DEPDC5: variants seen among roughly 807,000 people sequenced by gnomAD.
DEPDC5 encodes GATOR1 complex protein DEPDC5.
A neutral mutation model predicts 217.3 loss-of-function variants in DEPDC5; 73 were observed. That is an observed-to-expected ratio of 0.34 (90% confidence interval 0.28 to 0.41). The LOEUF is 0.41. Ranked by LOEUF, DEPDC5 falls within the 10% of genes least tolerant of loss-of-function variation. The pLI, the probability that DEPDC5 is intolerant of heterozygous loss-of-function variation, is 1.00. For synonymous variants in DEPDC5, 733 were observed against 756.7 expected (o/e 0.97, Z 0.51); for missense variants, 1,675 against 2,070.1 (o/e 0.81, Z 3.70).
chr22:31,820,446 CT>C (rs2089579343), intron 22 of DEPDC5, among the ~76,000 whole-genome samples: 1 of 152,106 alleles, frequency 6.6e-6, no homozygotes, highest in Non-Finnish European at 1.5e-5. Flanking sequence ...GGAAACCATC[CT>C]GCTGAATACC....
At chr22:31,892,363 G>A (rs185929677) in intron 38 of DEPDC5, among the ~76,000 whole-genome samples, 10 of 152,254 alleles carry the variant, frequency 6.6e-5, no homozygotes, top group Non-Finnish European at 1.5e-4. Flanking sequence ...AGCAGTTTTC[G>A]GTTCATAGCA....
intron 38 of DEPDC5, among the ~76,000 whole-genome samples, chr22:31,888,126 C>T (rs2093356842): frequency 6.6e-6 from 1 of 152,058 alleles, no homozygotes; most frequent in Non-Finnish European, 1.5e-5. Context: ...ATTGCAGTCA[C>T]CCTGGGCTGC....
intron 14 of DEPDC5, among the ~76,000 whole-genome samples, chr22:31,799,009 T>C (rs955813891): frequency 6.6e-6 from 1 of 151,686 alleles, no homozygotes; most frequent in African/African-American, 2.4e-5. Context: ...GCTGTCTTTC[T>C]CAAGAATCTA....
At position 31,838,691 on chromosome 22, in the gene DEPDC5, C is replaced by T. The variant is rs371165640; in HGVS notation, c.2361C>T (p.Asp787=). Residue 787 remains aspartate, a synonymous_variant, in exon 27 of 43, where the codon GAC becomes GAT. Transcript: ENST00000651528. ...LLPEADIDRR[D]EDGVQMTAQQ... ...AATCATCTGTTGTTTTCAGGAGGGA[C>T]GAAGATGGTGTGCAGATGACAGCCC... 4.5e-5 allele frequency: 72 copies of T among 1,613,686 alleles called. No individual in the cohort carries two copies. Among genetic ancestry groups the T allele is most frequent in the Middle Eastern group, 1.6e-4 (1 of 6,062 alleles).
At chr22:31,885,974 A>T (rs527916926) in intron 38 of DEPDC5, among the ~76,000 whole-genome samples, 3 of 150,926 alleles carry the variant, frequency 2.0e-5, no homozygotes, top group African/African-American at 7.3e-5. Flanking sequence ...CGGAGGTTGC[A>T]TTGAGCCAAG....
chr22:31,824,337 C>G (rs1281944701), intron 24 of DEPDC5, among the ~76,000 whole-genome samples: 2 of 150,038 alleles, frequency 1.3e-5, no homozygotes, highest in African/African-American at 4.9e-5. Flanking sequence ...CAGAGCGAGA[C>G]TTTGTCTCAA....
intron 25 of DEPDC5, among the ~76,000 whole-genome samples, chr22:31,836,264 C>A (rs1256451543): frequency 6.6e-6 from 1 of 152,160 alleles, no homozygotes; most frequent in African/African-American, 2.4e-5. Context: ...GGACAGCCCC[C>A]ACAACAAAGA....
At chr22:31,888,444 G>A (rs2093366606) in intron 38 of DEPDC5, among the ~76,000 whole-genome samples, 1 of 151,584 alleles carries the variant, frequency 6.6e-6, no homozygotes, top group Non-Finnish European at 1.5e-5. Context: ...TAGAGATGTG[G>A]TTTCACCATG....
At chr22:31,796,759 C>G (rs147223237) in intron 12 of DEPDC5, among the ~76,000 whole-genome samples, 1 of 149,972 alleles carries the variant, frequency 6.7e-6, no homozygotes, top group South Asian at 2.1e-4. Flanking sequence ...TGCAGTGGCT[C>G]GATCTCGGCT....
chr22:31,784,987 C>A, intron 10 of DEPDC5, 112 bp downstream of exon 10: 1 of 869,452 alleles, frequency 1.2e-6, no homozygotes, highest in Non-Finnish European at 1.7e-6. Context: ...TAGGTAAAAC[C>A]CGGACTCCAG....
At chr22:31,849,779 TAA>T (rs376585964) in intron 31 of DEPDC5, among the ~76,000 whole-genome samples, 2 of 144,998 alleles carry the variant, frequency 1.4e-5, no homozygotes. Flanking sequence ...AGACTCCGTC[TAA>T]AAAAAAAAAA....
At chr22:31,858,551 GTTTAT>G (rs927522310) in intron 32 of DEPDC5, 1 of 151,944 alleles carries the variant, frequency 6.6e-6, no homozygotes, top group Non-Finnish European at 1.5e-5. Context: ...GTATATCTGT[GTTTAT>G]TTTACCTCCA....
intron 20 of DEPDC5, among the ~76,000 whole-genome samples, chr22:31,812,332 A>G (rs764930432): frequency 6.8e-6 from 1 of 146,800 alleles, no homozygotes; most frequent in Non-Finnish European, 1.5e-5. Flanking sequence ...ATTTATGTTG[A>G]CTTTCTTTTT....
At chr22:31,768,030 C>A (rs984945491) in intron 6 of DEPDC5, among the ~76,000 whole-genome samples, 4 of 151,698 alleles carry the variant, frequency 2.6e-5, no homozygotes, top group African/African-American at 4.8e-5. Flanking sequence ...CAGGTGTGAG[C>A]CAGTGCACCC....
intron 26 of DEPDC5, 109 bp from the exon 27 acceptor site, chr22:31,838,576 A>G: frequency 4.2e-6 from 6 of 1,433,412 alleles, no homozygotes; most frequent in Non-Finnish European, 5.7e-6. Flanking sequence ...ATGAACCACC[A>G]TAGAATGGTT....
chr22:31,807,111 A>C (rs1040835961), intron 18 of DEPDC5, among the ~76,000 whole-genome samples: 12 of 152,322 alleles, frequency 7.9e-5, no homozygotes, highest in South Asian at 2.1e-4. Flanking sequence ...TAATAATTAT[A>C]TCACATGCTA....
intron 14 of DEPDC5, among the ~76,000 whole-genome samples, chr22:31,802,281 A>C (rs913796297): frequency 1.5e-4 from 23 of 151,888 alleles, no homozygotes; most frequent in African/African-American, 5.3e-4. Context: ...GGTGCACATC[A>C]CCATGCCTGG....
At chr22:31,901,481 T>C (rs1353521494) in intron 40 of DEPDC5, among the ~76,000 whole-genome samples, 1 of 152,218 alleles carries the variant, frequency 6.6e-6, no homozygotes, top group Non-Finnish European at 1.5e-5. Context: ...TTCTGGTAGC[T>C]CACACTGACT....
At chr22:31,841,041 C>T (rs2091358905) in intron 27 of DEPDC5, among the ~76,000 whole-genome samples, 1 of 152,248 alleles carries the variant, frequency 6.6e-6, no homozygotes, top group Non-Finnish European at 1.5e-5. Flanking sequence ...AACCTTGTCC[C>T]ATGGCATTGT....
Sources: allele counts gnomAD v4.1 joint callset (sites outside exome capture counted in the v4.1 genomes callset), GRCh38; gene constraint gnomAD v4.1.1; transcripts MANE v1.5; gene names NCBI Gene and HGNC (gene_info 2026-07-23, HGNC 2026-07-21).